ROBO2: variants seen among roughly 807,000 people sequenced by gnomAD.
The protein encoded by ROBO2 is roundabout guidance receptor 2.
A neutral mutation model predicts 160.8 loss-of-function variants in ROBO2; 53 were observed. The ratio of observed to expected loss-of-function variants is 0.33; its 90% CI spans 0.26 to 0.41. ROBO2 has a LOEUF of 0.41. ROBO2 is among the 10% of genes least tolerant of loss of function. The pLI, the probability that ROBO2 is intolerant of heterozygous loss-of-function variation, is 1.00. For missense variants in ROBO2, 1,577 were observed against 1,722.4 expected (o/e 0.92, Z 1.49); for synonymous variants, 664 against 611.7 (o/e 1.09, Z -1.26).
intron 2 of ROBO2, among the ~76,000 whole-genome samples, chr3:76,351,333 T>A (rs1390222301): frequency 6.6e-6 from 1 of 151,836 alleles, no homozygotes; most frequent in Non-Finnish European, 1.5e-5. Context: ...AAATAATAAT[T>A]GTCTATGTTA....
intron 5 of ROBO2, among the ~76,000 whole-genome samples, chr3:77,514,093 C>A (rs2089728429): frequency 6.6e-6 from 1 of 151,562 alleles, no homozygotes; most frequent in Admixed American, 6.6e-5. Flanking sequence ...ATACCTTCTA[C>A]ATTGACACTG....
intron 1 of ROBO2, among the ~76,000 whole-genome samples, chr3:75,931,995 G>A (rs1346126648): frequency 6.6e-6 from 1 of 152,102 alleles, no homozygotes; most frequent in East Asian, 1.9e-4. Flanking sequence ...TTCACTTCAT[G>A]TAGTTTCCGA....
At chr3:76,430,762 G>A (rs576995660) in intron 2 of ROBO2, among the ~76,000 whole-genome samples, 8,529 of 151,910 alleles carry the variant, frequency 0.056, 266 homozygotes, top group South Asian at 0.1. Flanking sequence ...CAGTACTTAA[G>A]ATATAGATAC....
chr3:76,672,764 C>G (rs2092303330), intron 2 of ROBO2, among the ~76,000 whole-genome samples: 1 of 152,162 alleles, frequency 6.6e-6, no homozygotes, highest in African/African-American at 2.4e-5. Flanking sequence ...ATGCTAATTT[C>G]TTCACAACCT....
chr3:77,531,568 T>C, intron 6 of ROBO2, among the ~76,000 whole-genome samples: 1 of 151,548 alleles, frequency 6.6e-6, no homozygotes, highest in Non-Finnish European at 1.5e-5. Flanking sequence ...GATTGAAAAA[T>C]TCATTCAGCA....
At chr3:77,441,635 G>C (rs1486331452) in intron 2 of ROBO2, among the ~76,000 whole-genome samples, 3 of 152,136 alleles carry the variant, frequency 2.0e-5, no homozygotes, top group Non-Finnish European at 4.4e-5. Flanking sequence ...AGCTGGGACA[G>C]AGGCCTTTGG....
intron 2 of ROBO2, among the ~76,000 whole-genome samples, chr3:76,504,792 G>A (rs758775090): frequency 6.6e-6 from 1 of 151,850 alleles, no homozygotes; most frequent in Non-Finnish European, 1.5e-5. Context: ...CCTCCCAAAG[G>A]GCTGGGATTA....
At chr3:77,365,360 C>G (rs1163684427) in intron 2 of ROBO2, among the ~76,000 whole-genome samples, 1 of 152,046 alleles carries the variant, frequency 6.6e-6, no homozygotes, top group Non-Finnish European at 1.5e-5. Flanking sequence ...GCAGGAAACA[C>G]CCTCAGAGGG....
At position 77,617,586 on chromosome 3, in the gene ROBO2, G is replaced by A. The variant is rs1371853103; in HGVS notation, c.3367G>A (p.Glu1123Lys). 2.5e-6 allele frequency: 4 copies of A among 1,614,148 alleles called. No homozygotes were observed. The highest frequency in any genetic ancestry group is 3.4e-6 in the Non-Finnish European group (4 of 1,180,012). Residue 1123 changes from glutamate to lysine, a missense_variant, in exon 22 of 26, where the codon GAA becomes AAA. Transcript: ENST00000461745. ...ACACCAAGGTCTGGAAGATGAACTG[G>A]AAGAAGATGATGATAGGGTCCCAAC...
chr3:77,460,848 A>AT (rs957577062), intron 2 of ROBO2, among the ~76,000 whole-genome samples: 3 of 152,060 alleles, frequency 2.0e-5, no homozygotes, highest in Non-Finnish European at 2.9e-5. Flanking sequence ...AATTTCCCAT[A>AT]TTTTTTTCCA....
intron 1 of ROBO2, among the ~76,000 whole-genome samples, chr3:75,917,692 G>A (rs1284580030): frequency 2.0e-5 from 3 of 152,170 alleles, no homozygotes; most frequent in Admixed American, 2.0e-4. Flanking sequence ...ATCTTCTCCA[G>A]CATCTGCTGT....
intron 2 of ROBO2, among the ~76,000 whole-genome samples, chr3:76,707,731 GTATATA>G (rs56401900): frequency 0.023 from 3,029 of 134,152 alleles, 79 homozygotes; most frequent in African/African-American, 0.044. Context: ...ACATGTGTGT[GTATATA>G]TATATATATA....
intron 2 of ROBO2, among the ~76,000 whole-genome samples, chr3:76,037,398 C>G (rs1338758318): frequency 6.6e-6 from 1 of 151,594 alleles, no homozygotes; most frequent in Non-Finnish European, 1.5e-5. Context: ...GCTGGGATTA[C>G]AGGTGACCAC....
intron 24 of ROBO2, among the ~76,000 whole-genome samples, chr3:77,638,711 C>G (rs899791746): frequency 2.0e-5 from 3 of 151,922 alleles, no homozygotes; most frequent in Middle Eastern, 3.4e-3. Flanking sequence ...CAAAGAATAC[C>G]CTTGGAAGCC....
At chr3:77,646,750 C>T (rs1471490461) in exon 26 of ROBO2, 2 of 151,980 alleles carry the variant, frequency 1.3e-5, no homozygotes, top group Non-Finnish European at 2.9e-5. Flanking sequence ...TTGACAAAAG[C>T]CGGGGTCAAA....
intron 2 of ROBO2, among the ~76,000 whole-genome samples, chr3:75,964,469 G>A (rs1395588174): frequency 6.6e-5 from 10 of 151,528 alleles, no homozygotes; most frequent in East Asian, 5.9e-4. Context: ...CAAAAAATCC[G>A]TAAGATAAAA....
At chr3:75,971,952 GGTTATGTT>G (rs2065008636) in intron 2 of ROBO2, among the ~76,000 whole-genome samples, 1 of 151,370 alleles carries the variant, frequency 6.6e-6, no homozygotes, top group African/African-American at 2.4e-5. Flanking sequence ...TATTTTTATT[GGTTATGTT>G]GTGAAATCGA....
chr3:76,079,534 A>G (rs1367802868), intron 2 of ROBO2, among the ~76,000 whole-genome samples: 4 of 144,196 alleles, frequency 2.8e-5, no homozygotes, highest in African/African-American at 1.0e-4. Flanking sequence ...CCCAAGCTGG[A>G]GTGCAGTGGC....
At chr3:76,890,003 G>A (rs1329082708) in intron 2 of ROBO2, among the ~76,000 whole-genome samples, 1 of 152,104 alleles carries the variant, frequency 6.6e-6, no homozygotes, top group African/African-American at 2.4e-5. Context: ...GAACTTTGAA[G>A]CAAGTAGTAA....
Sources: allele counts gnomAD v4.1 joint callset (sites outside exome capture counted in the v4.1 genomes callset), GRCh38; gene constraint gnomAD v4.1.1; transcripts MANE v1.5; gene names NCBI Gene and HGNC (gene_info 2026-07-23, HGNC 2026-07-21).